The following WDFY4 variants were observed in gnomAD, a reference collection of about 807,000 sequenced individuals.
The protein encoded by WDFY4 is WD repeat- and FYVE domain-containing protein 4.
A neutral mutation model predicts 351.9 loss-of-function variants in WDFY4; 169 were observed. The ratio of observed to expected loss-of-function variants is 0.48; its 90% CI spans 0.42 to 0.55. WDFY4 has a LOEUF of 0.55. Among genes scored for constraint, WDFY4 ranks in the 20% least tolerant of loss-of-function variants. The probability of loss-of-function intolerance (pLI) is 0.00; values close to 1 mark genes in which losing one functional copy is unlikely to be tolerated. For synonymous variants in WDFY4, 1,622 were observed against 1,574.6 expected, an observed-to-expected ratio of 1.03 and a Z score of -0.71; for missense variants, 3,803 against 3,935.6, an observed-to-expected ratio of 0.97 and a Z score of 0.90.
intron 12 of WDFY4, among the ~76,000 whole-genome samples, chr10:48,753,214 G>T (rs2065237188): frequency 6.6e-6 from 1 of 152,042 alleles, no homozygotes. Context: ...TAATTGGGTT[G>T]TTTCTCTTTT....
chr10:48,816,393 T>A (rs1201253771), intron 31 of WDFY4, among the ~76,000 whole-genome samples: 4 of 152,262 alleles, frequency 2.6e-5, no homozygotes, highest in Non-Finnish European at 5.9e-5. Context: ...GTGACTGTAG[T>A]GTTAAAGCTC....
At chr10:48,870,810 A>G (rs932669758) in intron 40 of WDFY4, among the ~76,000 whole-genome samples, 1 of 152,120 alleles carries the variant, frequency 6.6e-6, no homozygotes, top group African/African-American at 2.4e-5. Context: ...CTAAATAATC[A>G]CATCTCTCTC....
chr10:48,809,946 C>T (rs752157974), intron 28 of WDFY4, among the ~76,000 whole-genome samples: 3 of 152,232 alleles, frequency 2.0e-5, no homozygotes, highest in Non-Finnish European at 2.9e-5. Context: ...CTTTGGCCAA[C>T]CCATTGGCCA....
intron 29 of WDFY4, 42 bp from the exon 30 acceptor site, chr10:48,811,497 T>C (rs2067445079): frequency 1.3e-6 from 2 of 1,540,786 alleles, no homozygotes; most frequent in South Asian, 2.4e-5. Flanking sequence ...GACCAGCAGC[T>C]GTTCTCAGCT....
rs2064028598 is a variant in WDFY4 at position 48,720,024 on chromosome 10, C to A, written c.248C>A (p.Ser83Tyr). The A allele has an allele frequency of 3.6e-5, 56 of 1,551,716 alleles. No homozygotes were observed. The highest frequency in any genetic ancestry group is 4.9e-5 in the Non-Finnish European group (56 of 1,146,966). ...CTGTTGCTTCAGGCCTGGGAACACTCCGTGGGGATCATCTGCTTTCCCAGT... is the reference window on the plus strand; with the variant it reads ...CTGTTGCTTCAGGCCTGGGAACACTACGTGGGGATCATCTGCTTTCCCAGT... ...LPLFLKAWEH[S>Y]VGIICFPSLQ... Residue 83 changes from serine to tyrosine, a missense_variant, in exon 3 of 62, where the codon TCC becomes TAC. This residue lies in a region of WDFY4 where 488 missense variants were observed against 456.8 expected (regional missense o/e 1.07). Transcript: ENST00000325239.
intron 13 of WDFY4, among the ~76,000 whole-genome samples, chr10:48,771,968 G>A (rs370563871): frequency 6.6e-6 from 1 of 152,196 alleles, no homozygotes; most frequent in African/African-American, 2.4e-5. Flanking sequence ...TTCAGGTAGT[G>A]CATTCACAGC....
chr10:48,844,671 A>G (rs1795398424), intron 39 of WDFY4, among the ~76,000 whole-genome samples: 1 of 152,162 alleles, frequency 6.6e-6, no homozygotes, highest in Non-Finnish European at 1.5e-5. Flanking sequence ...TGTATCCACT[A>G]TCACAGGGAG....
rs1012966386 is a variant in WDFY4, at chr10:48,774,077, T to A, written c.2554-381T>A. On this transcript the variant is annotated intron_variant, in intron 13 of 61. Transcript: ENST00000325239. ...GAGGCCACAAGTCTGGATTTTTATGTGACATCTTCAGACTTTTCAATGCTA... is the reference window on the plus strand; with the variant it reads ...GAGGCCACAAGTCTGGATTTTTATGAGACATCTTCAGACTTTTCAATGCTA... 1.8e-4 allele frequency among the ~76,000 whole-genome samples: 27 copies of A among 152,242 alleles called. 1 individual carries two copies. The highest frequency in any genetic ancestry group is 1.7e-3 in the Admixed American group (26 of 15,282).
chr10:48,826,997 C>A, intron 36 of WDFY4, 88 bp downstream of exon 36: 1 of 1,072,850 alleles, frequency 9.3e-7, no homozygotes. Context: ...GGACTGAGTT[C>A]TGTATAAATG....
At chr10:48,949,751 C>CA (rs1234193152) in intron 51 of WDFY4, among the ~76,000 whole-genome samples, 1 of 152,136 alleles carries the variant, frequency 6.6e-6, no homozygotes, top group Non-Finnish European at 1.5e-5. Flanking sequence ...CAAATGCTAC[C>CA]ACCCGCCTAT....
intron 22 of WDFY4, 98 bp downstream of exon 22, chr10:48,790,083 A>G: frequency 4.0e-6 from 5 of 1,238,418 alleles, no homozygotes; most frequent in Non-Finnish European, 5.8e-6. Flanking sequence ...GACAGGATGG[A>G]GTGTGCCAGG....
At chr10:48,820,158 T>G in intron 32 of WDFY4, 76 bp from the exon 33 acceptor site, 3 of 1,480,234 alleles carry the variant, frequency 2.0e-6, no homozygotes, top group South Asian at 2.4e-5. Flanking sequence ...AATCCGCCCA[T>G]GTACATGGCA....
chr10:48,792,695 T>C (rs1319257709), intron 23 of WDFY4, among the ~76,000 whole-genome samples: 1 of 152,138 alleles, frequency 6.6e-6, no homozygotes, highest in African/African-American at 2.4e-5. Context: ...GAAAATAAAA[T>C]AAGAACCAAA....
chr10:48,979,901 T>A (rs1219615204), intron 60 of WDFY4: 6 of 152,106 alleles, frequency 3.9e-5, no homozygotes. Context: ...ACTAGTAGAG[T>A]ACTGATGACA....
At chr10:48,915,288 C>T (rs1027243700) in intron 47 of WDFY4, among the ~76,000 whole-genome samples, 4 of 152,188 alleles carry the variant, frequency 2.6e-5, no homozygotes, top group Non-Finnish European at 5.9e-5. Context: ...CACAGCATTA[C>T]CCTATCATAG....
chr10:48,790,362 GC>G (rs2066637466), intron 22 of WDFY4, among the ~76,000 whole-genome samples: 1 of 152,214 alleles, frequency 6.6e-6, no homozygotes, highest in Non-Finnish European at 1.5e-5. Context: ...TGGTGCAAGT[GC>G]CCTGCCCAGC....
In WDFY4 at chr10:48,969,196, G is replaced by T. The variant is rs1842224116; in HGVS notation, c.8717G>T (p.Ser2906Ile). ...CCTCCTCTCTGGAACAGGACCTTCA[G>T]CTGGGGCTTTGATGACTTCAGCTGC... ...LLPPLWNRTF[S>I]WGFDDFSCCL... Residue 2906 changes from serine to isoleucine, a missense_variant, in exon 56 of 62, where the codon AGC becomes ATC. Ser to Ile is a moderately radical substitution (Grantham distance 142). Coordinates refer to ENST00000325239, the MANE Select transcript of WDFY4 (RefSeq NM_001394531.1). 1 of 1,551,674 alleles carries T rather than the reference G, an allele frequency of 6.4e-7. No homozygotes were observed. Among genetic ancestry groups the T allele is most frequent in the Middle Eastern group, 1.7e-4 (1 of 5,992 alleles).
At chr10:48,923,390 T>A (rs1839268967) in intron 47 of WDFY4, among the ~76,000 whole-genome samples, 1 of 151,830 alleles carries the variant, frequency 6.6e-6, no homozygotes, top group Non-Finnish European at 1.5e-5. Flanking sequence ...ACTCATCTGA[T>A]GTTTATCAAT....
Position 48,803,377 on chromosome 10 carries a change from A to G in WDFY4, c.4484+18A>G. The G allele has an allele frequency of 6.4e-7, 1 of 1,551,472 alleles. No homozygotes were observed. Among genetic ancestry groups the G allele is most frequent in the Non-Finnish European group, 8.7e-7 (1 of 1,146,818 alleles). ...TCACCAAGGTAGGCTGGGTCTTGGC[A>G]GCCTGGGGGTTAGAACTGAAGGCTG... On this transcript the variant is annotated intron_variant, in intron 25 of 61. Coordinates refer to ENST00000325239, the MANE Select transcript of WDFY4 (RefSeq NM_001394531.1).
Sources: allele counts gnomAD v4.1 joint callset (sites outside exome capture counted in the v4.1 genomes callset), GRCh38; gene constraint gnomAD v4.1.1; regional missense constraint gnomAD v4.1.1; transcripts MANE v1.5; gene names NCBI Gene and HGNC (gene_info 2026-07-23, HGNC 2026-07-21).